The following BRWD3 variants were observed in gnomAD, a reference collection of about 807,000 sequenced individuals.
BRWD3 encodes bromodomain and WD repeat domain containing 3, also known as bromodomain and WD repeat-containing protein 3.
BRWD3 carries 10 observed loss-of-function variants against 149.7 expected under a neutral mutation model. The ratio of observed to expected loss-of-function variants is 0.07; its 90% CI spans 0.04 to 0.11. The LOEUF (loss-of-function observed/expected upper bound fraction) is 0.11. Ranked by LOEUF, BRWD3 falls within the 10% of genes least tolerant of loss-of-function variation. The pLI, the probability that BRWD3 is intolerant of heterozygous loss-of-function variation, is 1.00. For synonymous variants in BRWD3, 504 were observed against 456.7 expected (o/e 1.10, Z -1.32); for missense variants, 940 against 1,373.2 (o/e 0.68, Z 4.99).
chrX:80,710,445 T>C, intron 20 of BRWD3: 1 of 347,697 alleles, frequency 2.9e-6, no homozygotes, highest in Admixed American at 3.6e-5. Context: ...GACATATGTC[T>C]AAATTTATGG....
At chrX:80,793,549 T>C in intron 5 of BRWD3, 73 bp downstream of exon 5, 1 of 1,030,908 alleles carries the variant, frequency 9.7e-7, no homozygotes, top group Non-Finnish European at 1.3e-6. Flanking sequence ...ATGGGAACAT[T>C]TACTCAATCT....
chrX:80,703,104 C>T (rs1317049330), intron 24 of BRWD3, among the ~76,000 whole-genome samples: 2 of 111,177 alleles, frequency 1.8e-5, no homozygotes, highest in African/African-American at 6.5e-5. Context: ...TGTATACTTT[C>T]TATCAGGTTG....
intron 20 of BRWD3, chrX:80,709,863 T>C: frequency 1.9e-6 from 1 of 540,467 alleles, no homozygotes; most frequent in East Asian, 3.7e-5. Flanking sequence ...AGTAATAGTT[T>C]AGGCAGCAAC....
intron 20 of BRWD3, among the ~76,000 whole-genome samples, chrX:80,714,217 A>ATCT (rs2073040595): frequency 3.1e-5 from 3 of 95,394 alleles, no homozygotes; most frequent in African/African-American, 1.2e-4. Context: ...ACAAACCTTC[A>ATCT]TCTTTTTTTT....
Position 80,713,663 on chromosome X carries a change from C to T in BRWD3, c.2325+2494G>A, listed in dbSNP as rs182750390. ...TATGACCCTGCCAAATCCCCCTCTGCGAGAGACACCCAAGAATGATCAATA... is the reference window on the plus strand; with the variant it reads ...TATGACCCTGCCAAATCCCCCTCTGTGAGAGACACCCAAGAATGATCAATA... On this transcript the variant is annotated intron_variant, in intron 20 of 40. Coordinates refer to ENST00000373275, the MANE Select transcript of BRWD3 (RefSeq NM_153252.5). Among the ~76,000 whole-genome samples, 14 of 109,177 alleles carry T rather than the reference C, an allele frequency of 1.3e-4. No homozygotes were observed. The East Asian group carries it at 1.4e-3, about 11-fold the overall frequency. 94.8% of individuals were successfully genotyped at this position (109,177 alleles called of 115,157 possible).
At chrX:80,775,980 G>A (rs879070576) in intron 6 of BRWD3, among the ~76,000 whole-genome samples, 4 of 112,004 alleles carry the variant, frequency 3.6e-5, no homozygotes, top group Non-Finnish European at 5.6e-5. Context: ...TAAGTGTGCT[G>A]CCTAACATCA....
At chrX:80,728,470 A>G (rs1374895486) in intron 14 of BRWD3, among the ~76,000 whole-genome samples, 1 of 111,703 alleles carries the variant, frequency 9.0e-6, no homozygotes, top group African/African-American at 3.2e-5. Context: ...AACCCCTGCT[A>G]AAAACAAAAT....
Position 80,722,708 on chromosome X carries a change from G to A in BRWD3, c.1730C>T (p.Thr577Ile), listed in dbSNP as rs779870709. The change falls in exon 17 of 41, where the codon ACC (threonine) becomes ATC (isoleucine). Residue 577 changes from threonine (T) to isoleucine (I), a missense_variant. By Grantham distance (89) the Thr-to-Ile change is moderately conservative (BLOSUM62 -1). Around this residue, in one of 6 missense-constraint regions of BRWD3, gnomAD observed 209 missense variants for 396.8 expected, o/e 0.53. Transcript: ENST00000373275. ...AGGCATGAGGTGAGGAGCTTGTTGG[G>A]TTTGTTCATCCAATACATAGTTATT... ...DANNYVLDEQ[T>I]QQAPHLMPPP... 2 of 1,210,623 alleles carry A rather than the reference G, an allele frequency of 1.7e-6. No individual in the cohort carries two copies. The highest frequency in any genetic ancestry group is 2.2e-6 in the Non-Finnish European group (2 of 894,509).
At chrX:80,732,518 C>T (rs2073347181) in intron 12 of BRWD3, among the ~76,000 whole-genome samples, 1 of 108,631 alleles carries the variant, frequency 9.2e-6, no homozygotes, top group Non-Finnish European at 1.9e-5. Context: ...GAAGATAAGA[C>T]CTAGTTAAGA....
intron 24 of BRWD3, among the ~76,000 whole-genome samples, chrX:80,700,301 T>G (rs1352753427): frequency 9.4e-6 from 1 of 106,388 alleles, no homozygotes; most frequent in Non-Finnish European, 1.9e-5. Context: ...TCAATCAGCT[T>G]CATAAGTGTG....
At chrX:80,718,600 T>C (rs2073104596) in intron 18 of BRWD3, among the ~76,000 whole-genome samples, 1 of 112,064 alleles carries the variant, frequency 8.9e-6, no homozygotes, top group African/African-American at 3.2e-5. Context: ...CAGAAAAGCT[T>C]ATCTGAGTTA....
At chrX:80,713,592 C>T (rs1482631031) in intron 20 of BRWD3, among the ~76,000 whole-genome samples, 1 of 110,125 alleles carries the variant, frequency 9.1e-6, no homozygotes, top group African/African-American at 3.3e-5. Context: ...AAACCAGAGA[C>T]CTTTGTTCAC....
intron 25 of BRWD3, among the ~76,000 whole-genome samples, chrX:80,697,567 G>A (rs1021022289): frequency 3.6e-5 from 4 of 111,413 alleles, no homozygotes; most frequent in South Asian, 3.9e-4. Context: ...AAGAGAGGGC[G>A]TGTGGTATTT....
Position 80,717,554 on chromosome X carries a change from T to A in BRWD3, c.2231+19A>T. On this transcript the variant is annotated intron_variant, in intron 19 of 40. Transcript: ENST00000373275. Reference sequence around the variant, plus strand: ...ATAAAGCTTTAAATTTTTTTCTAAATGTTACCTTATTGACTCACCTACTAA... The same window carrying A: ...ATAAAGCTTTAAATTTTTTTCTAAAAGTTACCTTATTGACTCACCTACTAA... The A allele has an allele frequency of 8.3e-7, 1 of 1,201,487 alleles. No homozygotes were observed. The highest frequency in any genetic ancestry group is 1.1e-6 in the Non-Finnish European group (1 of 885,958).
At chrX:80,710,069 G>A in intron 20 of BRWD3, 1 of 934,994 alleles carries the variant, frequency 1.1e-6, no homozygotes, top group Non-Finnish European at 1.5e-6. Flanking sequence ...ATTGAAAAGG[G>A]CACCATCGGA....
At chrX:80,730,232 G>A (rs1462994088) in intron 12 of BRWD3, among the ~76,000 whole-genome samples, 1 of 109,517 alleles carries the variant, frequency 9.1e-6, no homozygotes, top group Non-Finnish European at 1.9e-5. Context: ...ATATCCAAGA[G>A]TAATGAAAAC....
At chrX:80,725,163 G>T in intron 14 of BRWD3, 96 bp from the exon 15 acceptor site, 8 of 908,079 alleles carry the variant, frequency 8.8e-6, no homozygotes, top group Non-Finnish European at 1.1e-5. Flanking sequence ...AGGTTCAAAT[G>T]AATTTATGCA....
chrX:80,738,689 C>T (rs1212573940), intron 8 of BRWD3, among the ~76,000 whole-genome samples: 5 of 111,186 alleles, frequency 4.5e-5, no homozygotes, highest in Non-Finnish European at 9.4e-5. Flanking sequence ...AGAAGGTCTC[C>T]CTGAGAGGGT....
At chrX:80,712,828 C>G in intron 20 of BRWD3, among the ~76,000 whole-genome samples, 1 of 108,011 alleles carries the variant, frequency 9.3e-6, no homozygotes, top group Non-Finnish European at 1.9e-5. Flanking sequence ...AGGAGCGTCT[C>G]TGCCCAGCCG....
Sources: allele counts gnomAD v4.1 joint callset (sites outside exome capture counted in the v4.1 genomes callset), GRCh38; gene constraint gnomAD v4.1.1; regional missense constraint gnomAD v4.1.1; transcripts MANE v1.5; gene names NCBI Gene and HGNC (gene_info 2026-07-23, HGNC 2026-07-21).